RTKN2: variants seen among roughly 807,000 people sequenced by gnomAD.
RTKN2 encodes rhotekin 2, also known as rhotekin-2.
A neutral mutation model predicts 71.5 loss-of-function variants in RTKN2; 69 were observed. That is an observed-to-expected ratio of 0.96 (90% CI 0.79 to 1.18). RTKN2 has a LOEUF of 1.18. RTKN2 is among the 50% of genes most tolerant of loss of function. The pLI, the probability that RTKN2 is intolerant of heterozygous loss-of-function variation, is 0.00. For missense variants in RTKN2, 724 were observed against 719.7 expected, an observed-to-expected ratio of 1.01 and a Z score of -0.07; for synonymous variants, 236 against 236.5, an observed-to-expected ratio of 1.00 and a Z score of 0.02.
chr10:62,208,610 G>T (rs978144694), intron 9 of RTKN2, among the ~76,000 whole-genome samples: 1 of 152,140 alleles, frequency 6.6e-6, no homozygotes, highest in Non-Finnish European at 1.5e-5. Context: ...ACCTGTGAAA[G>T]ATGGTAGGAA....
chr10:62,235,398 A>G (rs1237044356), intron 6 of RTKN2, among the ~76,000 whole-genome samples: 3 of 152,196 alleles, frequency 2.0e-5, no homozygotes, highest in Non-Finnish European at 4.4e-5. Flanking sequence ...TTAGTAGATT[A>G]ATATGTAAAG....
intron 9 of RTKN2, among the ~76,000 whole-genome samples, chr10:62,209,941 T>C (rs1841626089): frequency 6.6e-6 from 1 of 152,212 alleles, no homozygotes; most frequent in South Asian, 2.1e-4. Context: ...TGCATGTGTC[T>C]TTATAATAGA....
chr10:62,212,759 C>T (rs184702311), intron 9 of RTKN2, among the ~76,000 whole-genome samples: 32 of 152,148 alleles, frequency 2.1e-4, no homozygotes, highest in Admixed American at 7.9e-4. Flanking sequence ...GTCTCCCTTA[C>T]AAATCTGCAA....
At chr10:62,252,123 T>G (rs913620389) in intron 2 of RTKN2, among the ~76,000 whole-genome samples, 1 of 152,006 alleles carries the variant, frequency 6.6e-6, no homozygotes, top group Non-Finnish European at 1.5e-5. Flanking sequence ...AATCTACATA[T>G]CAAAAGAGCC....
chr10:62,197,680 A>T lies in RTKN2; in HGVS notation c.*228T>A. The T allele has an allele frequency of 7.5e-7, 1 of 1,337,788 alleles. No homozygotes were observed. Among genetic ancestry groups the T allele is most frequent in the African/African-American group, 1.5e-5 (1 of 66,986 alleles). 82.9% of individuals were successfully genotyped at this position (1,337,788 alleles called of 1,614,324 possible). On this transcript the variant is annotated 3_prime_UTR_variant, in exon 12 of 12. Coordinates refer to ENST00000373789, the MANE Select transcript of RTKN2 (RefSeq NM_145307.4). ...CCTTCCAACAATTAGGATATTGTCT[A>T]GAAACTGCCTCTTGCACACTGCTGG...
chr10:62,207,512 T>C (rs1192091279), intron 9 of RTKN2, among the ~76,000 whole-genome samples: 2 of 151,240 alleles, frequency 1.3e-5, no homozygotes, highest in African/African-American at 4.8e-5. Flanking sequence ...AAGCTGTTTT[T>C]TCACTGTGGA....
intron 8 of RTKN2, among the ~76,000 whole-genome samples, chr10:62,186,100 G>C (rs1272440936): frequency 6.6e-6 from 1 of 152,232 alleles, no homozygotes; most frequent in African/African-American, 2.4e-5. Context: ...AGACTGTATG[G>C]TGTGGGCCGT....
chr10:62,204,707 A>T (rs1841512288), intron 10 of RTKN2, 150 bp downstream of exon 10: 1 of 497,304 alleles, frequency 2.0e-6, no homozygotes, highest in African/African-American at 2.0e-5. Context: ...TGACAGAAAG[A>T]AGCATCAGTG....
intron 9 of RTKN2, 88 bp downstream of exon 9, chr10:62,217,024 CTTTTAT>C (rs1384747892): frequency 6.6e-5 from 61 of 918,928 alleles, no homozygotes; most frequent in Non-Finnish European, 9.2e-5. Flanking sequence ...CAGTACTTCT[CTTTTAT>C]TTATAAGACA....
intron 9 of RTKN2, among the ~76,000 whole-genome samples, 171 bp downstream of exon 9, chr10:62,216,947 A>G (rs1221953262): frequency 6.6e-6 from 1 of 152,112 alleles, no homozygotes; most frequent in Non-Finnish European, 1.5e-5. Flanking sequence ...ATTTTCTTAT[A>G]ACAGATAAGC....
At chr10:62,260,163 ACTG>A (rs937986076) in intron 2 of RTKN2, among the ~76,000 whole-genome samples, 1 of 152,184 alleles carries the variant, frequency 6.6e-6, no homozygotes, top group Admixed American at 6.5e-5. Context: ...TAAGGTACAG[ACTG>A]CTAAGTCTCT....
intron 2 of RTKN2, among the ~76,000 whole-genome samples, chr10:62,258,194 G>C (rs972960577): frequency 1.3e-5 from 2 of 152,204 alleles, no homozygotes; most frequent in South Asian, 4.2e-4. Context: ...TCCAAGGGTG[G>C]TACAAAAGTA....
chr10:62,213,320 G>A (rs1025196564), intron 9 of RTKN2, among the ~76,000 whole-genome samples: 10 of 152,118 alleles, frequency 6.6e-5, no homozygotes, highest in East Asian at 3.9e-4. Flanking sequence ...CAGTAGTGGC[G>A]ACAACCTGAC....
chr10:62,241,260 C>G (rs1007224711), intron 3 of RTKN2, 65 bp from the exon 4 acceptor site: 1 of 881,032 alleles, frequency 1.1e-6, no homozygotes, highest in East Asian at 2.5e-5. Flanking sequence ...TTACAGTGAC[C>G]TGAACCTCTG....
At chr10:62,202,441 T>C (rs1841463307) in intron 10 of RTKN2, among the ~76,000 whole-genome samples, 1 of 152,122 alleles carries the variant, frequency 6.6e-6, no homozygotes, top group African/African-American at 2.4e-5. Flanking sequence ...TCACAAGAGG[T>C]TGCACCTGTC....
chr10:62,236,846 T>C (rs912340081), intron 5 of RTKN2, among the ~76,000 whole-genome samples: 2 of 151,596 alleles, frequency 1.3e-5, no homozygotes, highest in African/African-American at 2.4e-5. Context: ...GGATATTAAG[T>C]TAAATAAGCC....
chr10:62,225,231 A>T (rs1363597410), intron 6 of RTKN2, among the ~76,000 whole-genome samples: 1 of 152,232 alleles, frequency 6.6e-6, no homozygotes, highest in Non-Finnish European at 1.5e-5. Flanking sequence ...AGAGCTGAAA[A>T]CAGGGCCTTT....
intron 3 of RTKN2, 89 bp from the exon 4 acceptor site, chr10:62,241,284 TTC>T: frequency 4.2e-6 from 3 of 715,820 alleles, no homozygotes; most frequent in Non-Finnish European, 7.3e-6. Flanking sequence ...TCCATAATAA[TTC>T]TGACTACTAT....
chr10:62,187,721 C>G (rs377553843), intron 8 of RTKN2, among the ~76,000 whole-genome samples: 1 of 152,098 alleles, frequency 6.6e-6, no homozygotes, highest in Non-Finnish European at 1.5e-5. Flanking sequence ...AAAAAACTGG[C>G]CTGTGCCCTC....
Sources: allele counts gnomAD v4.1 joint callset (sites outside exome capture counted in the v4.1 genomes callset), GRCh38; gene constraint gnomAD v4.1.1; transcripts MANE v1.5; gene names NCBI Gene and HGNC (gene_info 2026-07-23, HGNC 2026-07-21).